The following SPG11 variants were observed in gnomAD, a reference collection of about 807,000 sequenced individuals.
SPG11 encodes the protein SPG11 vesicle trafficking associated, spatacsin, also known as spatacsin.
SPG11 carries 222 observed loss-of-function variants against 274.0 expected under a neutral mutation model. That is an observed-to-expected ratio of 0.81 (90% CI 0.73 to 0.91). The LOEUF is 0.91. SPG11 is among the 40% of genes least tolerant of loss of function. The probability of loss-of-function intolerance (pLI) is 0.00; values close to 1 mark genes in which losing one functional copy is unlikely to be tolerated. For missense variants in SPG11, 3,114 were observed against 2,872.7 expected (o/e 1.08, Z -1.92); for synonymous variants, 1,144 against 1,039.7 (o/e 1.10, Z -1.93).
rs1017806633 is a variant in SPG11 at position 44,587,071 on chromosome 15, G to A, written c.4907-1221C>T. 5.5e-4 allele frequency among the ~76,000 whole-genome samples: 84 copies of A among 152,202 alleles called. 2 individuals are homozygous for A. Among genetic ancestry groups the A allele is most frequent in the Admixed American group, 1.3e-4 (2 of 15,286 alleles). On this transcript the variant is annotated intron_variant, in intron 28 of 39. Coordinates refer to ENST00000261866, the MANE Select transcript of SPG11 (RefSeq NM_025137.4). ...TTCTTGGCCAGGTGCAGTGGCTCACGCCTATATTCCCAGAACTTTGGGAGA... is the reference window on the plus strand; with the variant it reads ...TTCTTGGCCAGGTGCAGTGGCTCACACCTATATTCCCAGAACTTTGGGAGA...
At chr15:44,622,859 T>C (rs1392956422) in intron 11 of SPG11, 60 bp from the exon 12 acceptor site, 1 of 1,212,982 alleles carries the variant, frequency 8.2e-7, no homozygotes, top group Non-Finnish European at 1.2e-6. Flanking sequence ...ATTTTGAACA[T>C]AAATATGTGT....
At chr15:44,583,701 T>C (rs893421607) in intron 30 of SPG11, 113 bp downstream of exon 30, 28 of 1,412,196 alleles carry the variant, frequency 2.0e-5, no homozygotes, top group African/African-American at 4.2e-5. Flanking sequence ...TGGAAAAAAG[T>C]TGTTGTCCCC....
rs532141694 is a variant in SPG11, at chr15:44,657,235, T to C, written c.729A>G (p.Glu243=). Residue 243 remains glutamate (E), a synonymous_variant, in exon 4 of 40, where the codon GAA becomes GAG. Coordinates refer to ENST00000261866, the MANE Select transcript of SPG11 (RefSeq NM_025137.4). ...VAHVDLALHK[E]DMCNEQQQEP... ...CCTGTTGCTGCTCATTACACATGTCTTCTTTGTGAAGTGCTAAATCCACAT... is the reference window on the plus strand; with the variant it reads ...CCTGTTGCTGCTCATTACACATGTCCTCTTTGTGAAGTGCTAAATCCACAT... 2 of 1,614,200 alleles carry C rather than the reference T, an allele frequency of 1.2e-6. No individual in the cohort carries two copies. The highest frequency in any genetic ancestry group is 2.2e-5 in the South Asian group (2 of 91,090).
chr15:44,639,491 C>G (rs535161900), intron 7 of SPG11, among the ~76,000 whole-genome samples: 1 of 152,088 alleles, frequency 6.6e-6, no homozygotes, highest in Admixed American at 6.6e-5. Context: ...ATTGCTTGAG[C>G]TAGGAATTGA....
chr15:44,600,204 G>C, intron 21 of SPG11: 1 of 410,336 alleles, frequency 2.4e-6, no homozygotes, highest in East Asian at 4.7e-5. Flanking sequence ...TGTTAACTGT[G>C]GTATGTTTCC....
intron 30 of SPG11, among the ~76,000 whole-genome samples, chr15:44,576,648 C>CA (rs1259947190): frequency 3.6e-4 from 43 of 120,814 alleles, no homozygotes; most frequent in South Asian, 1.4e-3. Context: ...GACTCTGTCT[C>CA]AAAAAAAAAA....
intron 38 of SPG11, among the ~76,000 whole-genome samples, chr15:44,565,382 A>G (rs1409410995): frequency 6.6e-6 from 1 of 152,248 alleles, no homozygotes; most frequent in African/African-American, 2.4e-5. Context: ...GTTCCACCTC[A>G]GATCATCAGG....
intron 9 of SPG11, 42 bp downstream of exon 9, chr15:44,629,191 C>G: frequency 1.2e-6 from 2 of 1,601,818 alleles, no homozygotes; most frequent in Non-Finnish European, 1.7e-6. Flanking sequence ...TGTTCTGACA[C>G]AGGAACAGTA....
intron 12 of SPG11, 23 bp from the exon 13 acceptor site, chr15:44,622,370 C>A (rs2083778141): frequency 6.6e-7 from 1 of 1,512,392 alleles, no homozygotes. Flanking sequence ...GTAATTAAAG[C>A]AGTGACTTTA....
intron 20 of SPG11, among the ~76,000 whole-genome samples, chr15:44,601,945 A>G (rs2083202440): frequency 6.6e-6 from 1 of 152,226 alleles, no homozygotes; most frequent in African/African-American, 2.4e-5. Flanking sequence ...CTCTTTGATT[A>G]AATTTATTCC....
intron 29 of SPG11, among the ~76,000 whole-genome samples, 178 bp from the exon 30 acceptor site, chr15:44,584,736 C>G (rs903538254): frequency 3.3e-5 from 5 of 152,128 alleles, no homozygotes; most frequent in African/African-American, 9.7e-5. Context: ...CCCAAGAGAT[C>G]CTCCCACCTC....
chr15:44,646,236 C>T (rs1173339931), intron 7 of SPG11, among the ~76,000 whole-genome samples: 1 of 152,062 alleles, frequency 6.6e-6, no homozygotes, highest in Non-Finnish European at 1.5e-5. Context: ...AACCTAAATG[C>T]CCATGATTGG....
Position 44,570,550 on chromosome 15 carries a change from G to T in SPG11, c.6452C>A (p.Ala2151Asp). 2 of 1,614,152 alleles carry T rather than the reference G, an allele frequency of 1.2e-6. No homozygotes were observed. The highest frequency in any genetic ancestry group is 1.7e-6 in the Non-Finnish European group (2 of 1,180,032). Residue 2151 changes from alanine to aspartate, a missense_variant, in exon 34 of 40, where the codon GCC (alanine) becomes GAC (aspartate). Transcript: ENST00000261866. The stretch of plus-strand genomic sequence containing the variant: ...CACCAGCCCATACTCCTCACTGGGG[G>T]CCAGGTGGTTATCTGTGAGCATGTG... The part of the protein sequence containing the change: ...AAHMLTDNHL[A>D]PSEEYGLVVR...
chr15:44,620,702 ATTT>A (rs202000246), intron 14 of SPG11: 16 of 200,710 alleles, frequency 8.0e-5, no homozygotes, highest in East Asian at 4.9e-4. Flanking sequence ...GACCAGGTAA[ATTT>A]TTTTTTTTTT....
At chr15:44,639,513 G>A (rs1002309398) in intron 7 of SPG11, among the ~76,000 whole-genome samples, 2 of 151,964 alleles carry the variant, frequency 1.3e-5, no homozygotes, top group Non-Finnish European at 2.9e-5. Flanking sequence ...GACCAGTCTG[G>A]GGCACATGGC....
chr15:44,647,535 T>A (rs1294331228), intron 7 of SPG11, among the ~76,000 whole-genome samples: 1 of 152,150 alleles, frequency 6.6e-6, no homozygotes, highest in Non-Finnish European at 1.5e-5. Flanking sequence ...AGCTGATGAA[T>A]GGATAAACAA....
intron 7 of SPG11, 55 bp downstream of exon 7, chr15:44,648,811 A>C (rs1234068700): frequency 1.9e-6 from 3 of 1,570,742 alleles, no homozygotes. Flanking sequence ...AAATCGAATA[A>C]AAGTATATAA....
rs1248738372 is a variant in SPG11 at position 44,564,711 on chromosome 15, G to A, written c.7000-13C>T. 8 of 1,614,044 alleles carry A rather than the reference G, an allele frequency of 5.0e-6. No individual in the cohort carries two copies. The highest frequency in any genetic ancestry group is 1.6e-4 in the Middle Eastern group (1 of 6,062). ...CCACAATAGAAGCCTTAAAAGGAGA[G>A]GTGAAGAAGGACACCATCAGAGCCC... On this transcript the variant is annotated splice_polypyrimidine_tract_variant and intron_variant, in intron 38 of 39. Coordinates refer to ENST00000261866, the MANE Select transcript of SPG11 (RefSeq NM_025137.4).
intron 4 of SPG11, among the ~76,000 whole-genome samples, chr15:44,655,312 G>A (rs1306676290): frequency 1.3e-5 from 2 of 152,178 alleles, no homozygotes. Flanking sequence ...TGGTTCTCAT[G>A]TATTTTTCAT....
Sources: allele counts gnomAD v4.1 joint callset (sites outside exome capture counted in the v4.1 genomes callset), GRCh38; gene constraint gnomAD v4.1.1; transcripts MANE v1.5; gene names NCBI Gene and HGNC (gene_info 2026-07-23, HGNC 2026-07-21).